TRAM1: variants seen among roughly 807,000 people sequenced by gnomAD.
The protein encoded by TRAM1 is translocation associated membrane protein 1.
In TRAM1, 17 loss-of-function variants were observed where a neutral mutation model predicts 48.7. The ratio of observed to expected loss-of-function variants is 0.35; its 90% CI spans 0.24 to 0.52. The LOEUF (loss-of-function observed/expected upper bound fraction) is 0.52. Among genes scored for constraint, TRAM1 ranks in the 20% least tolerant of loss-of-function variants. The pLI, the probability that TRAM1 is intolerant of heterozygous loss-of-function variation, is 0.94. For missense variants in TRAM1, 351 were observed against 441.5 expected, an observed-to-expected ratio of 0.79 and a Z score of 1.84; for synonymous variants, 182 against 154.0, an observed-to-expected ratio of 1.18 and a Z score of -1.34.
chr8:70,581,203 T>C (rs931008034), intron 10 of TRAM1, among the ~76,000 whole-genome samples: 2 of 152,146 alleles, frequency 1.3e-5, no homozygotes, highest in African/African-American at 4.8e-5. Context: ...CTGGGCAACA[T>C]AGCAAGATCC....
chr8:70,574,638 T>C lies in TRAM1; in HGVS notation c.*294A>G, dbSNP rs975707980. ...CACTGATATGTGGAATTTTTGTAAATAGTTTTCTCTCCAAATCATTAGAAA... is the reference window on the plus strand; with the variant it reads ...CACTGATATGTGGAATTTTTGTAAACAGTTTTCTCTCCAAATCATTAGAAA... On this transcript the variant is annotated 3_prime_UTR_variant, in exon 11 of 11. Coordinates refer to ENST00000262213, the MANE Select transcript of TRAM1 (RefSeq NM_014294.6). The C allele has an allele frequency of 4.1e-6, 1 of 244,674 alleles. No homozygotes were observed. Among genetic ancestry groups the C allele is most frequent in the Non-Finnish European group, 7.8e-6 (1 of 128,636 alleles). The allele number at this position is 244,674 out of a possible 1,614,324, so 15.2% of individuals were successfully genotyped here. A position where few individuals can be genotyped will look rare whatever the true frequency, so the allele number is the denominator to read the frequency against.
intron 6 of TRAM1, among the ~76,000 whole-genome samples, 196 bp downstream of exon 6, chr8:70,594,310 T>TC (rs1369827205): frequency 6.6e-6 from 1 of 150,832 alleles, no homozygotes; most frequent in Non-Finnish European, 1.5e-5. Flanking sequence ...TGAAGGTTTT[T>TC]TTTTTTTTTT....
intron 1 of TRAM1, among the ~76,000 whole-genome samples, chr8:70,604,360 C>T (rs1817675649): frequency 6.6e-6 from 1 of 152,188 alleles, no homozygotes; most frequent in African/African-American, 2.4e-5. Flanking sequence ...TGGACTGGAT[C>T]CTTGAAAAGT....
chr8:70,598,153 A>G lies in TRAM1; in HGVS notation c.290T>C (p.Ile97Thr), dbSNP rs191903685. 1 of 1,613,092 alleles carries G rather than the reference A, an allele frequency of 6.2e-7. No individual in the cohort carries two copies. The stretch of plus-strand genomic sequence containing the variant: ...ACTTACATCCAACATATACTCTTGA[A>G]TTACGGCATGAATAATTATCGCCAC... ...MLVAIIIHAV[I>T]QEYMLDKINR... Residue 97 changes from isoleucine (I) to threonine (T), a missense_variant, in exon 3 of 11, where the codon ATT (isoleucine) becomes ACT (threonine). Ile to Thr is a moderately conservative substitution (Grantham distance 89). Coordinates refer to ENST00000262213, the MANE Select transcript of TRAM1 (RefSeq NM_014294.6).
chr8:70,593,756 T>C (rs979512662), intron 6 of TRAM1, among the ~76,000 whole-genome samples: 1 of 151,620 alleles, frequency 6.6e-6, no homozygotes, highest in Non-Finnish European at 1.5e-5. Context: ...GAGAAAGAGG[T>C]CCCCGAGAAA....
In TRAM1 at chr8:70,589,567, G is replaced by A. The variant is rs373337917; in HGVS notation, c.571-2391C>T. Reference sequence around the variant, plus strand: ...TGTAACTAAAATTTTAAATAAAGTGGTGGATCACGCCTGTAATAACAGCCC... The same window carrying A: ...TGTAACTAAAATTTTAAATAAAGTGATGGATCACGCCTGTAATAACAGCCC... On this transcript the variant is annotated intron_variant, in intron 6 of 10. Transcript: ENST00000262213. Among the ~76,000 whole-genome samples the A allele has an allele frequency of 2.5e-4, 38 of 152,300 alleles. 3 individuals carry two copies. The East Asian group carries it at 4.2e-3, about 17-fold the overall frequency.
At chr8:70,600,771 C>G (rs1817591701) in intron 1 of TRAM1, among the ~76,000 whole-genome samples, 1 of 151,944 alleles carries the variant, frequency 6.6e-6, no homozygotes, top group South Asian at 2.1e-4. Flanking sequence ...ACTGTGGGTA[C>G]TTGGGATAAA....
intron 1 of TRAM1, among the ~76,000 whole-genome samples, chr8:70,601,261 C>G (rs1159542444): frequency 1.3e-5 from 2 of 152,154 alleles, no homozygotes; most frequent in Non-Finnish European, 2.9e-5. Context: ...GACCATAGGA[C>G]TCTATGGTCT....
intron 6 of TRAM1, among the ~76,000 whole-genome samples, chr8:70,591,802 G>GT (rs1817369761): frequency 1.3e-5 from 2 of 152,016 alleles, no homozygotes; most frequent in South Asian, 2.1e-4. Flanking sequence ...AAATGTTTGC[G>GT]TAAGACACAT....
In TRAM1 at chr8:70,583,692, T is replaced by C; in HGVS notation, c.848A>G (p.Lys283Arg). Reference sequence around the variant, plus strand: ...GAAGTTTCCAGTACTGAAATCCAGCTTCTGATTTTCTGCTCTTGCAAGGCC... The same window carrying C: ...GAAGTTTCCAGTACTGAAATCCAGCCTCTGATTTTCTGCTCTTGCAAGGCC... ...GFGLARAENQ[K>R]LDFSTGNFNV... Residue 283 changes from lysine to arginine, a missense_variant, in exon 9 of 11, where the codon AAG becomes AGG. Coordinates refer to ENST00000262213, the MANE Select transcript of TRAM1 (RefSeq NM_014294.6). The C allele has an allele frequency of 6.2e-7, 1 of 1,613,212 alleles. No homozygotes were observed. The highest frequency in any genetic ancestry group is 8.5e-7 in the Non-Finnish European group (1 of 1,179,750).
chr8:70,585,931 C>G (rs1422102918), intron 8 of TRAM1, among the ~76,000 whole-genome samples: 1 of 149,424 alleles, frequency 6.7e-6, no homozygotes, highest in African/African-American at 2.5e-5. Flanking sequence ...GGGTGTATAC[C>G]CAAAGGATTA....
In TRAM1 at chr8:70,583,732, G is replaced by C; in HGVS notation, c.808C>G (p.Leu270Val). 3.1e-6 allele frequency: 5 copies of C among 1,607,856 alleles called. No individual in the cohort carries two copies. The highest frequency in any genetic ancestry group is 4.2e-6 in the Non-Finnish European group (5 of 1,178,092). ...CTTGCAAGGCCAAAACCAACAGTCA[G>C]TACTGAAAGAATTAAAGTCAGAAGT... ...GRLLTLILSV[L>V]TVGFGLARAE... is the part of the protein sequence containing the mutation. Residue 270 changes from leucine (L) to valine (V), a missense_variant, in exon 9 of 11, where the codon CTG becomes GTG. Coordinates refer to ENST00000262213, the MANE Select transcript of TRAM1 (RefSeq NM_014294.6).
chr8:70,577,463 T>C lies in TRAM1; in HGVS notation c.1052-2458A>G, dbSNP rs191564956. Among the ~76,000 whole-genome samples the C allele has an allele frequency of 5.8e-3, 881 of 152,248 alleles. 3 individuals are homozygous for C. The highest frequency in any genetic ancestry group is 9.4e-3 in the Non-Finnish European group (641 of 67,998). The stretch of plus-strand genomic sequence containing the variant: ...TCCTCCCCCCTGAAGCTCATAAAAA[T>C]CCTGGACTCAGCCAGACTTGGGCAG... On this transcript the variant is annotated intron_variant, in intron 10 of 10. Coordinates refer to ENST00000262213, the MANE Select transcript of TRAM1 (RefSeq NM_014294.6).
chr8:70,582,077 G>A (rs1463448294), intron 10 of TRAM1, among the ~76,000 whole-genome samples: 1 of 152,098 alleles, frequency 6.6e-6, no homozygotes, highest in East Asian at 1.9e-4. Flanking sequence ...TGACTGAAAT[G>A]TATACTTTAA....
chr8:70,607,156 A>T, intron 1 of TRAM1: 1 of 985,326 alleles, frequency 1.0e-6, no homozygotes. Flanking sequence ...TGTATTGGGG[A>T]GCGAGGGGAA....
chr8:70,587,153 G>A lies in TRAM1; in HGVS notation c.594C>T (p.Val198=), dbSNP rs746243239. ...TKKEDIPRQL[V]YIGLYLFHIA... ...TGTGGAAGAGGTAAAGACCAATGTAGACAAGCTGACGAGGAATATCTTCCT... is the reference window on the plus strand; with the variant it reads ...TGTGGAAGAGGTAAAGACCAATGTAAACAAGCTGACGAGGAATATCTTCCT... The change falls in exon 7 of 11, where the codon GTC becomes GTT. Residue 198 remains valine (V), a synonymous_variant. Coordinates refer to ENST00000262213, the MANE Select transcript of TRAM1 (RefSeq NM_014294.6). The A allele has an allele frequency of 3.7e-6, 6 of 1,613,868 alleles. No individual in the cohort carries two copies. In the South Asian group the frequency reaches 6.6e-5, roughly 18 times the overall value.
intron 10 of TRAM1, among the ~76,000 whole-genome samples, chr8:70,577,188 G>C (rs1486555239): frequency 6.6e-6 from 1 of 152,176 alleles, no homozygotes; most frequent in African/African-American, 2.4e-5. Context: ...GAGGCCGAGG[G>C]GGGCTGAGGG....
chr8:70,596,221 C>T (rs1817483180), intron 5 of TRAM1, 42 bp downstream of exon 5: 2 of 1,480,436 alleles, frequency 1.4e-6, no homozygotes, highest in South Asian at 1.3e-5. Context: ...AGTGACATGA[C>T]CATGGTCCTT....
Position 70,594,505 on chromosome 8 carries a change from C to G in TRAM1, c.570+1G>C. On this transcript the variant is annotated splice_donor_variant, in intron 6 of 10. Transcript: ENST00000262213. LOFTEE classifies it high-confidence loss of function. ...TTTAACACTACAAAATCCCAGCTTA[C>G]TTTTTTGGTTTTCTGGAAGTAGAGT... The G allele has an allele frequency of 6.3e-7, 1 of 1,586,880 alleles. No homozygotes were observed. Among genetic ancestry groups the G allele is most frequent in the Non-Finnish European group, 8.5e-7 (1 of 1,169,678 alleles).
Sources: gnomAD v4.1 joint callset for allele counts (sites outside exome capture counted in the v4.1 genomes callset) on GRCh38, gnomAD v4.1.1 for gene constraint, MANE v1.5 for transcripts, NCBI Gene and HGNC (gene_info 2026-07-23, HGNC 2026-07-21) for gene names.